The following XPA variants were observed in gnomAD, a reference collection of about 807,000 sequenced individuals.
XPA encodes the protein XPA, DNA damage recognition and repair factor.
Under a neutral mutation model 35.7 loss-of-function variants are expected in XPA, and 27 were observed. The observed-to-expected ratio is 0.76, with a 90% CI of 0.56 to 1.04. The LOEUF is 1.04. Among genes scored for constraint, XPA ranks in the 50% least tolerant of loss-of-function variants. The pLI is 0.00. For synonymous variants in XPA, 133 were observed against 118.4 expected (o/e 1.12, Z -0.80); for missense variants, 354 against 342.7 (o/e 1.03, Z -0.26).
At chr9:97,677,263 G>C (rs928040643) in intron 5 of XPA, among the ~76,000 whole-genome samples, 2 of 152,134 alleles carry the variant, frequency 1.3e-5, no homozygotes, top group African/African-American at 4.8e-5. Context: ...TTGAACCTAA[G>C]GTTTTACATT....
At chr9:97,690,265 C>T (rs1391733738) in intron 2 of XPA, among the ~76,000 whole-genome samples, 1 of 152,230 alleles carries the variant, frequency 6.6e-6, no homozygotes, top group African/African-American at 2.4e-5. Context: ...GGCTGGAGTG[C>T]AGTGGCACGA....
At chr9:97,680,371 G>C (rs972188013) in intron 5 of XPA, among the ~76,000 whole-genome samples, 1 of 151,998 alleles carries the variant, frequency 6.6e-6, no homozygotes, top group African/African-American at 2.4e-5. Context: ...ATCATGCCCA[G>C]CTAATTTTTG....
the XPA span, chr9:97,663,027 G>A: frequency 6.2e-7 from 1 of 1,612,478 alleles, no homozygotes; most frequent in South Asian, 1.1e-5. Context: ...TATGTTTGAG[G>A]TCTGGAGGAA....
At chr9:97,693,888 T>G in intron 1 of XPA, 129 bp from the exon 2 acceptor site, 1 of 860,918 alleles carries the variant, frequency 1.2e-6, no homozygotes, top group Non-Finnish European at 1.9e-6. Flanking sequence ...AATCACTACT[T>G]CTATTCAACA....
intron 5 of XPA, among the ~76,000 whole-genome samples, chr9:97,676,766 T>C (rs1294672113): frequency 1.3e-5 from 2 of 152,234 alleles, no homozygotes; most frequent in African/African-American, 4.8e-5. Flanking sequence ...CAAGGTTATA[T>C]AGTTGATGGA....
At chr9:97,690,221 G>T (rs559304460) in intron 2 of XPA, among the ~76,000 whole-genome samples, 29 of 151,874 alleles carry the variant, frequency 1.9e-4, no homozygotes, top group African/African-American at 6.5e-4. Flanking sequence ...TACTTTTTTT[G>T]TTTTTTTGAA....
rs748781835 is a variant in XPA, at chr9:97,697,149, G to A, written c.144C>T (p.Tyr48=). The part of the protein sequence containing the change: ...LRQARLAARP[Y]SATAAAATGG... The stretch of plus-strand genomic sequence containing the variant: ...CAGTAGCCGCAGCCGCCGTCGCCGA[G>A]TAGGGCCGGGCAGCCAGCCGGGCCT... Residue 48 remains tyrosine (Y), a synonymous_variant, in exon 1 of 6, where the codon TAC becomes TAT. Transcript: ENST00000375128. 2 of 1,565,132 alleles carry A rather than the reference G, an allele frequency of 1.3e-6. No homozygotes were observed. Among genetic ancestry groups the A allele is most frequent in the African/African-American group, 1.4e-5 (1 of 72,880 alleles).
At chr9:97,677,012 C>A (rs1051966356) in intron 5 of XPA, among the ~76,000 whole-genome samples, 9 of 152,086 alleles carry the variant, frequency 5.9e-5, no homozygotes, top group Admixed American at 5.2e-4. Flanking sequence ...CACAGATGCC[C>A]TCTGGTTTCA....
At chr9:97,695,148 G>A (rs3176644) in intron 1 of XPA, among the ~76,000 whole-genome samples, 1 of 152,118 alleles carries the variant, frequency 6.6e-6, no homozygotes, top group African/African-American at 2.4e-5. Flanking sequence ...TCTTGATCAC[G>A]ATGGTGTTTA....
chr9:97,659,421 G>C, the XPA span, among the ~76,000 whole-genome samples: 2 of 152,082 alleles, frequency 1.3e-5, no homozygotes, highest in Non-Finnish European at 2.9e-5. Context: ...TTCATACTGT[G>C]TGCCTGTTTC....
chr9:97,682,353 G>A (rs142718417), intron 5 of XPA: 4 of 518,766 alleles, frequency 7.7e-6, no homozygotes, highest in Admixed American at 5.8e-5. Flanking sequence ...TGCACAGTAA[G>A]CTCCTTGTGT....
In XPA at chr9:97,697,156, C is replaced by A. The variant is rs1217308115; in HGVS notation, c.137G>T (p.Arg46Leu). ...CGCAGCCGCCGTCGCCGAGTAGGGC[C>A]GGGCAGCCAGCCGGGCCTGGCGCAG... ...LMLRQARLAA[R>L]PYSATAAAAT... The change falls in exon 1 of 6, where the codon CGG becomes CTG. Residue 46 changes from arginine to leucine, a missense_variant. Coordinates refer to ENST00000375128, the MANE Select transcript of XPA (RefSeq NM_000380.4). 31 of 1,569,810 alleles carry A rather than the reference C, an allele frequency of 2.0e-5. No homozygotes were observed. Among genetic ancestry groups the A allele is most frequent in the Non-Finnish European group, 2.2e-5 (26 of 1,161,268 alleles).
At position 97,689,667 on chromosome 9, in the gene XPA, T is replaced by G. The variant is rs746048993; in HGVS notation, c.284-28A>C. ...AAGAAAAGGAAAATGAACTCTAGTT[T>G]CCTTTTTTATGACTAGAACAATATA... On this transcript the variant is annotated intron_variant, in intron 2 of 5. Coordinates refer to ENST00000375128, the MANE Select transcript of XPA (RefSeq NM_000380.4). 2.2e-6 allele frequency: 3 copies of G among 1,369,880 alleles called. No homozygotes were observed. The South Asian group carries it at 3.6e-5, about 16-fold the overall frequency. 84.9% of individuals were successfully genotyped at this position (1,369,880 alleles called of 1,614,324 possible).
At chr9:97,655,862 A>C in the XPA span, 1 of 1,382,748 alleles carries the variant, frequency 7.2e-7, no homozygotes, top group Non-Finnish European at 1.0e-6. Flanking sequence ...TTTCTTGGAA[A>C]CTATTTGTAG....
Position 97,689,561 on chromosome 9 carries a change from A to C in XPA, c.362T>G (p.Phe121Cys). 6.2e-7 allele frequency: 1 copy of C among 1,612,664 alleles called. No homozygotes were observed. Among genetic ancestry groups the C allele is most frequent in the East Asian group, 2.2e-5 (1 of 44,754 alleles). The change falls in exon 3 of 6, where the codon TTT (phenylalanine) becomes TGT (cysteine). Residue 121 changes from phenylalanine (F) to cysteine (C), a missense_variant. Phe to Cys is a radical substitution (Grantham distance 205, BLOSUM62 -2). Transcript: ENST00000375128. Reference protein sequence around the residue: ...EFMDSYLMNHFDLPTCDNCRD... With the variant: ...EFMDSYLMNHCDLPTCDNCRD... ...GCAGTTATCACAAGTTGGCAAATCA[A>C]AGTGGTTCATAAGATAAGAATCCAT... is the stretch of plus-strand genomic sequence containing the variant.
chr9:97,655,072 T>G, the XPA span: 1 of 684,038 alleles, frequency 1.5e-6, no homozygotes, highest in Non-Finnish European at 2.3e-6. Flanking sequence ...CAAAATAACC[T>G]TTGTATAATA....
In XPA at chr9:97,697,177, C is replaced by A; in HGVS notation, c.116G>T (p.Arg39Leu). The A allele has an allele frequency of 6.3e-7, 1 of 1,589,650 alleles. No individual in the cohort carries two copies. The highest frequency in any genetic ancestry group is 8.5e-7 in the Non-Finnish European group (1 of 1,172,192). The part of the protein sequence containing the change: ...ERKRQRALML[R>L]QARLAARPYS... ...GGGCCGGGCAGCCAGCCGGGCCTGG[C>A]GCAGCATCAGTGCCCGCTGCCGCTT... Residue 39 changes from arginine to leucine, a missense_variant, in exon 1 of 6, where the codon CGC becomes CTC. Transcript: ENST00000375128.
At chr9:97,684,442 ACTAT>A (rs1241682537) in intron 5 of XPA, among the ~76,000 whole-genome samples, 1 of 152,198 alleles carries the variant, frequency 6.6e-6, no homozygotes, top group Non-Finnish European at 1.5e-5. Context: ...TCTGCCAATA[ACTAT>A]CTACATAACA....
chr9:97,656,727 C>T, the XPA span, among the ~76,000 whole-genome samples: 3 of 152,150 alleles, frequency 2.0e-5, no homozygotes, highest in Admixed American at 6.5e-5. Context: ...AGACCCATTA[C>T]GTTGGTTTTC....
Sources: allele counts gnomAD v4.1 joint callset (sites outside exome capture counted in the v4.1 genomes callset), GRCh38; gene constraint gnomAD v4.1.1; transcripts MANE v1.5; gene names NCBI Gene and HGNC (gene_info 2026-07-23, HGNC 2026-07-21).